The following DAB1 variants were observed in gnomAD, a reference collection of about 807,000 sequenced individuals.
DAB1 encodes DAB adaptor protein 1.
In DAB1, 15 loss-of-function variants were observed where a neutral mutation model predicts 64.6. The ratio of observed to expected loss-of-function variants is 0.23; its 90% CI spans 0.16 to 0.36. The LOEUF (loss-of-function observed/expected upper bound fraction) is 0.36. DAB1 is among the 10% of genes least tolerant of loss of function. The pLI, the probability that DAB1 is intolerant of heterozygous loss-of-function variation, is 1.00. For synonymous variants in DAB1, 235 were observed against 251.9 expected (o/e 0.93, Z 0.64); for missense variants, 596 against 706.7 (o/e 0.84, Z 1.78).
intron 3 of DAB1, among the ~76,000 whole-genome samples, chr1:58,357,807 G>T (rs556945314): frequency 1.2e-4 from 19 of 152,010 alleles, no homozygotes; most frequent in Admixed American, 1.3e-4. Flanking sequence ...ACAGAGACCT[G>T]TGAAATCCAA....
intron 7 of DAB1, among the ~76,000 whole-genome samples, chr1:57,536,842 G>A (rs570541883): frequency 6.6e-6 from 1 of 152,020 alleles, no homozygotes; most frequent in Non-Finnish European, 1.5e-5. Flanking sequence ...TGTTCCCATG[G>A]TTCCCATAGT....
At chr1:58,422,320 G>A (rs1054676099) in intron 3 of DAB1, among the ~76,000 whole-genome samples, 2 of 151,506 alleles carry the variant, frequency 1.3e-5, no homozygotes, top group African/African-American at 2.4e-5. Flanking sequence ...GTATTGCTGT[G>A]GACACTTCTT....
At chr1:57,550,696 T>C (rs1166197565) in intron 7 of DAB1, among the ~76,000 whole-genome samples, 2 of 152,224 alleles carry the variant, frequency 1.3e-5, no homozygotes, top group South Asian at 2.1e-4. Context: ...CCTCTGCTCA[T>C]GTCTCTTCTT....
rs746199650 is a variant in DAB1 at position 58,195,125 on chromosome 1, G to GGA, written n.310-44539_310-44538dup. ...AAGAGGAAACTTAGAAGGGCCACCA[G>GGA]GAGAGAGAGAGAGAGAGACAGAGAG... is the stretch of plus-strand genomic sequence containing the variant. On this transcript the variant is annotated intron_variant and non_coding_transcript_variant, in intron 4 of 20. Transcript: ENST00000485760. Among the ~76,000 whole-genome samples, 63 of 140,146 alleles carry GGA rather than the reference G, an allele frequency of 4.5e-4. 1 individual carries two copies. In the East Asian group the frequency reaches 8.8e-3, roughly 19 times the overall value. The allele number at this position is 140,146 out of a possible 152,430, so 91.9% of individuals were successfully genotyped here.
chr1:57,200,829 T>A (rs553065425), intron 2 of DAB1, among the ~76,000 whole-genome samples: 48 of 152,162 alleles, frequency 3.2e-4, no homozygotes, highest in Non-Finnish European at 6.2e-4. Context: ...ACAAAACAAT[T>A]TCATGCAAAA....
At chr1:58,183,783 A>G (rs78302509) in intron 4 of DAB1, among the ~76,000 whole-genome samples, 1,658 of 152,128 alleles carry the variant, frequency 0.011, 30 homozygotes, top group African/African-American at 0.038. Flanking sequence ...ACTTTATTTG[A>G]CTAATTCTGT....
chr1:58,543,470 A>G (rs908099447), intron 1 of DAB1, among the ~76,000 whole-genome samples: 1 of 152,160 alleles, frequency 6.6e-6, no homozygotes, highest in East Asian at 1.9e-4. Flanking sequence ...ATCTCATTCT[A>G]GCCTTTCCTG....
chr1:58,508,621 T>C (rs1057463809), intron 2 of DAB1, among the ~76,000 whole-genome samples: 2 of 152,142 alleles, frequency 1.3e-5, no homozygotes, highest in African/African-American at 4.8e-5. Context: ...TTGGCTTGTG[T>C]ATCTAACATT....
chr1:57,533,539 G>GTATATATATATATA (rs59378470), intron 7 of DAB1, among the ~76,000 whole-genome samples: 146 of 143,724 alleles, frequency 1.0e-3, no homozygotes, highest in African/African-American at 2.8e-3. Context: ...TTCATAACAG[G>GTATATATATATATA]TATATATATA....
intron 7 of DAB1, chr1:57,606,288 T>C (rs10736394): frequency 0.94 from 143,503 of 153,320 alleles, 67,469 homozygotes; most frequent in East Asian, 1. Flanking sequence ...CGGCGGATGA[T>C]AGCCCCACAC....
chr1:58,536,537 A>G, intron 1 of DAB1: 1 of 872,584 alleles, frequency 1.1e-6, no homozygotes, highest in Non-Finnish European at 2.0e-6. Flanking sequence ...GTTCCGATAA[A>G]AGTCTGAACT....
chr1:57,439,785 C>G (rs1202287145), intron 7 of DAB1, among the ~76,000 whole-genome samples: 2 of 152,028 alleles, frequency 1.3e-5, no homozygotes, highest in African/African-American at 2.4e-5. Context: ...AAAAGCTACA[C>G]ATGAATAAGA....
At chr1:57,412,132 G>T (rs757350339) in intron 1 of DAB1, among the ~76,000 whole-genome samples, 1 of 152,194 alleles carries the variant, frequency 6.6e-6, no homozygotes, top group Non-Finnish European at 1.5e-5. Flanking sequence ...CAGGCACTAT[G>T]AGCCATGCCC....
chr1:56,999,426 C>T (rs1645759424), intron 14 of DAB1, among the ~76,000 whole-genome samples: 1 of 152,144 alleles, frequency 6.6e-6, no homozygotes, highest in Admixed American at 6.5e-5. Flanking sequence ...GAGAGAGAGA[C>T]CCCAATCTTT....
At chr1:57,678,953 C>T (rs1478988688) in intron 6 of DAB1, among the ~76,000 whole-genome samples, 3 of 150,522 alleles carry the variant, frequency 2.0e-5, no homozygotes, top group Non-Finnish European at 4.4e-5. Flanking sequence ...TTGTATTTTT[C>T]GTAGAGATGG....
intron 7 of DAB1, among the ~76,000 whole-genome samples, chr1:57,606,602 T>TATATATGAAATATATA (rs1417249979): frequency 1.8e-5 from 2 of 110,916 alleles, no homozygotes; most frequent in African/African-American, 3.5e-5. Flanking sequence ...TTATATATTA[T>TATATATGAAATATATA]ATATATGAAA....
At chr1:57,687,275 A>T (rs1646709063) in intron 6 of DAB1, among the ~76,000 whole-genome samples, 1 of 152,056 alleles carries the variant, frequency 6.6e-6, no homozygotes, top group Non-Finnish European at 1.5e-5. Flanking sequence ...ATCAAAGAAC[A>T]CAATCCCATT....
At chr1:57,740,535 T>A (rs1440445278) in intron 6 of DAB1, among the ~76,000 whole-genome samples, 1 of 152,132 alleles carries the variant, frequency 6.6e-6, no homozygotes, top group South Asian at 2.1e-4. Flanking sequence ...AACACTTATG[T>A]GGAAGTATTA....
At chr1:58,320,646 C>T (rs1473428072) in intron 4 of DAB1, among the ~76,000 whole-genome samples, 1 of 152,196 alleles carries the variant, frequency 6.6e-6, no homozygotes, top group Non-Finnish European at 1.5e-5. Flanking sequence ...AACCTGACCT[C>T]AACTTCTCTA....
Sources: gnomAD v4.1 joint callset for allele counts (sites outside exome capture counted in the v4.1 genomes callset) on GRCh38, gnomAD v4.1.1 for gene constraint, MANE v1.5 for transcripts, NCBI Gene and HGNC (gene_info 2026-07-23, HGNC 2026-07-21) for gene names.